Variants in TLN1 observed in about 807,000 individuals in gnomAD.
TLN1 encodes the protein talin-1.
In TLN1, 56 loss-of-function variants were observed where a neutral mutation model predicts 292.3. That is an observed-to-expected ratio of 0.19 (90% CI 0.15 to 0.24). TLN1 has a LOEUF of 0.24. Ranked by LOEUF, TLN1 falls within the 10% of genes least tolerant of loss-of-function variation. TLN1 has a pLI of 1.00. For synonymous variants in TLN1, 1,119 were observed against 1,253.7 expected, an observed-to-expected ratio of 0.89 and a Z score of 2.27; for missense variants, 2,433 against 3,248.2, an observed-to-expected ratio of 0.75 and a Z score of 6.10.
chr9:35,698,773 C>A lies in TLN1; in HGVS notation c.7125+35G>T, dbSNP rs184417009. 1.1e-4 allele frequency: 175 copies of A among 1,613,756 alleles called. No individual in the cohort carries two copies. The highest frequency in any genetic ancestry group is 8.3e-4 in the Middle Eastern group (5 of 6,060). On this transcript the variant is annotated intron_variant, in intron 53 of 56. Coordinates refer to ENST00000314888, the MANE Select transcript of TLN1 (RefSeq NM_006289.4). This position sits in a 1 kb window ranked among gnomAD's most constrained non-coding sequence, Gnocchi z 5.3. ...GTGGATGTGGACATCAAAGTGCCAACCTGTCCCCATTCTTCTGGGTATTTA... is the reference window on the plus strand; with the variant it reads ...GTGGATGTGGACATCAAAGTGCCAAACTGTCCCCATTCTTCTGGGTATTTA...
At chr9:35,718,086 G>A (rs903142976) in intron 17 of TLN1, among the ~76,000 whole-genome samples, 2 of 152,228 alleles carry the variant, frequency 1.3e-5, no homozygotes, top group African/African-American at 4.8e-5. Flanking sequence ...GGGGTGGGGA[G>A]AGGAGGTAGG....
At chr9:35,703,066 C>A (rs1825494328) in intron 48 of TLN1, among the ~76,000 whole-genome samples, 1 of 151,954 alleles carries the variant, frequency 6.6e-6, no homozygotes, top group Non-Finnish European at 1.5e-5. Context: ...TTTGGGAGGC[C>A]AAGGCGGGTG....
At position 35,720,150 on chromosome 9, in the gene TLN1, G is replaced by C; in HGVS notation, c.1353C>G (p.Ala451=). 1.8e-5 allele frequency: 29 copies of C among 1,612,322 alleles called. No homozygotes were observed. The highest frequency in any genetic ancestry group is 2.5e-5 in the Non-Finnish European group (29 of 1,179,272). ...GACCAGAGGCTCCAGAGCGCATGAT[G>C]GCAGGCAGGGCCACAGAGCCATGCT... ...KVEHGSVALP[A]IMRSGASGPE... Residue 451 remains alanine, a synonymous_variant, in exon 13 of 57, where the codon GCC becomes GCG. Transcript: ENST00000314888.
chr9:35,699,490 A>C lies in TLN1; in HGVS notation c.6769-29T>G, dbSNP rs1244762260. The C allele has an allele frequency of 6.2e-7, 1 of 1,600,456 alleles. No homozygotes were observed. Among genetic ancestry groups the C allele is most frequent in the African/African-American group, 1.3e-5 (1 of 74,732 alleles). ...GGCAAGAAGCGGGCAGGGGACAAAG[A>C]GCATCACATCTTAGGGTCTACCCTG... On this transcript the variant is annotated intron_variant, in intron 50 of 56. Transcript: ENST00000314888. The surrounding 1 kb of genome is among the most constrained non-coding windows in gnomAD (Gnocchi z 4.0).
chr9:35,712,992 G>T lies in TLN1; in HGVS notation c.3404C>A (p.Ala1135Asp). The part of the protein sequence containing the change: ...AGGLRSLAQA[A>D]RGVAALTSDP... The stretch of plus-strand genomic sequence containing the variant: ...TGACGTCAGTGCAGCGACTCCCCTA[G>T]CGGCCTGGGCCAGTGACCGCAGCCC... The change falls in exon 27 of 57, where the codon GCT becomes GAT. Residue 1135 changes from alanine to aspartate, a missense_variant. Physicochemically the swap from Ala to Asp is moderately radical, Grantham distance 126. Around this residue, in one of 7 missense-constraint regions of TLN1, gnomAD observed 1,384 missense variants for 1,699.6 expected, o/e 0.81. Transcript: ENST00000314888. The T allele has an allele frequency of 6.2e-7, 1 of 1,609,758 alleles. No individual in the cohort carries two copies. The highest frequency in any genetic ancestry group is 2.2e-5 in the East Asian group (1 of 44,716).
chr9:35,712,676 A>G (rs1377702567), intron 27 of TLN1, among the ~76,000 whole-genome samples, 159 bp downstream of exon 27: 1 of 148,138 alleles, frequency 6.8e-6, no homozygotes, highest in African/African-American at 2.5e-5. Context: ...AAAGACTAAG[A>G]GAACATAAGG....
chr9:35,707,560 TC>T lies in TLN1; in HGVS notation c.4633-73del. On this transcript the variant is annotated intron_variant, in intron 35 of 56. Transcript: ENST00000314888. The surrounding 1 kb of genome is among the most constrained non-coding windows in gnomAD (Gnocchi z 5.6). The stretch of plus-strand genomic sequence containing the variant: ...GGGTATAGGAAGTGAAGTCCAGGTC[TC>T]CTTCCTGGGACTTACAGGATTTGGG... 11 of 1,585,454 alleles carry T rather than the reference TC, an allele frequency of 6.9e-6. No individual in the cohort carries two copies. The highest frequency in any genetic ancestry group is 9.5e-6 in the Non-Finnish European group (11 of 1,161,148).
rs2131891258 is a variant in TLN1 at position 35,710,422 on chromosome 9, A to G, written c.4326+139T>C. ...AATTGCTGACAAGTGTCTCCACTTC[A>G]GGAGGAGGACAACCCAGATTCCATA... is the stretch of plus-strand genomic sequence containing the variant. On this transcript the variant is annotated intron_variant, in intron 33 of 56. Coordinates refer to ENST00000314888, the MANE Select transcript of TLN1 (RefSeq NM_006289.4). 1.6e-6 allele frequency: 2 copies of G among 1,223,686 alleles called. 1 individual carries two copies. The highest frequency in any genetic ancestry group is 4.7e-5 in the East Asian group (2 of 42,330). The allele number at this position is 1,223,686 out of a possible 1,614,324, so 75.8% of individuals were successfully genotyped here. A position where few individuals can be genotyped will look rare whatever the true frequency, so the allele number is the denominator to read the frequency against.
At chr9:35,726,064 T>C (rs988333201) in intron 1 of TLN1, among the ~76,000 whole-genome samples, 3 of 152,058 alleles carry the variant, frequency 2.0e-5, no homozygotes, top group African/African-American at 7.2e-5. Flanking sequence ...AGGCGCCCGC[T>C]GCCATGCCTG....
intron 33 of TLN1, among the ~76,000 whole-genome samples, chr9:35,710,307 G>A (rs1347622427): frequency 6.6e-6 from 1 of 151,702 alleles, no homozygotes; most frequent in East Asian, 1.9e-4. Flanking sequence ...GAGAAAGCCA[G>A]CTGGAAAAGG....
rs746256916 is a variant in TLN1, at chr9:35,700,363, G to A, written c.6488C>T (p.Pro2163Leu). 2.5e-6 allele frequency: 4 copies of A among 1,598,982 alleles called. No individual in the cohort carries two copies. In the African/African-American group the frequency reaches 4.0e-5, roughly 16 times the overall value. ...GGTAGAGGTCTTGGCAGGTGGCTCT[G>A]GGGAACAGAAAACCTGTGGGGGCAG... The part of the protein sequence containing the change: ...IRQELAVFCS[P>L]EPPAKTSTPE... The change falls in exon 49 of 57, where the codon CCA becomes CTA. Residue 2163 changes from proline to leucine, a missense_variant. Pro to Leu is a moderately conservative substitution (Grantham distance 98). Around this residue, in one of 7 missense-constraint regions of TLN1, gnomAD observed 1,384 missense variants for 1,699.6 expected, o/e 0.81. Transcript: ENST00000314888.
chr9:35,725,472 A>G, intron 2 of TLN1, 93 bp downstream of exon 2: 1 of 1,563,304 alleles, frequency 6.4e-7, no homozygotes. Flanking sequence ...GAGTAGTCTT[A>G]GGGGACAAAG....
Position 35,717,533 on chromosome 9 carries a change from C to T in TLN1, c.2163+86G>A. Reference sequence around the variant, plus strand: ...TAACTGGGATGGGTGAGGAGGCCTCCAGAGCCAAAGAAATAAAATGAAAGG... The same window carrying T: ...TAACTGGGATGGGTGAGGAGGCCTCTAGAGCCAAAGAAATAAAATGAAAGG... On this transcript the variant is annotated intron_variant, in intron 18 of 56. Coordinates refer to ENST00000314888, the MANE Select transcript of TLN1 (RefSeq NM_006289.4). The surrounding 1 kb of genome is among the most constrained non-coding windows in gnomAD (Gnocchi z 4.7). 6.3e-7 allele frequency: 1 copy of T among 1,576,258 alleles called. No individual in the cohort carries two copies. Among genetic ancestry groups the T allele is most frequent in the Non-Finnish European group, 8.6e-7 (1 of 1,156,082 alleles).
chr9:35,701,078 T>C (rs1203821560), intron 48 of TLN1, among the ~76,000 whole-genome samples: 3 of 152,166 alleles, frequency 2.0e-5, no homozygotes, highest in South Asian at 2.1e-4. Context: ...GGAGGTGACA[T>C]TGAGGCTGAA....
chr9:35,722,104 G>A lies in TLN1; in HGVS notation c.948+15C>T. 6.2e-7 allele frequency: 1 copy of A among 1,609,698 alleles called. No individual in the cohort carries two copies. Among genetic ancestry groups the A allele is most frequent in the South Asian group, 1.1e-5 (1 of 91,002 alleles). On this transcript the variant is annotated intron_variant, in intron 9 of 56. Transcript: ENST00000314888. ...TGGGAAACAAGGAGGGCAGTGAAAAGGGCCCATAACCTACCTTCACCAGGA... is the reference window on the plus strand; with the variant it reads ...TGGGAAACAAGGAGGGCAGTGAAAAAGGCCCATAACCTACCTTCACCAGGA...
chr9:35,730,952 T>A (rs1326312288), intron 1 of TLN1, among the ~76,000 whole-genome samples: 1 of 152,108 alleles, frequency 6.6e-6, no homozygotes, highest in East Asian at 1.9e-4. Flanking sequence ...GCCTTGTACA[T>A]CCTGGGTCCC....
Position 35,697,684 on chromosome 9 carries a change from T to C in TLN1, c.*107A>G, listed in dbSNP as rs1025485559. The C allele has an allele frequency of 9.3e-6, 14 of 1,500,374 alleles. No homozygotes were observed. Among genetic ancestry groups the C allele is most frequent in the East Asian group, 6.8e-5 (3 of 44,124 alleles). The allele number at this position is 1,500,374 out of a possible 1,614,324, so 92.9% of individuals were successfully genotyped here. ...CAGGCCCTGGGGTTTGGCAGGCACT[T>C]TGGGGAGTGCTGGGGTTGGGCAGGT... On this transcript the variant is annotated 3_prime_UTR_variant, in exon 57 of 57. Transcript: ENST00000314888.
chr9:35,723,104 TTC>T (rs1825905624), intron 7 of TLN1, 183 bp from the exon 8 acceptor site: 15 of 500,922 alleles, frequency 3.0e-5, no homozygotes, highest in East Asian at 1.4e-4. Flanking sequence ...GTGTAAACTC[TTC>T]TTTTTTTTTT....
At chr9:35,722,961 A>G (rs1357977899) in intron 7 of TLN1, 40 bp from the exon 8 acceptor site, 4 of 1,591,938 alleles carry the variant, frequency 2.5e-6, no homozygotes, top group Middle Eastern at 3.3e-4. Context: ...GGTAGACAGC[A>G]TCAGGGGACA....
Sources: gnomAD v4.1 joint callset for allele counts (sites outside exome capture counted in the v4.1 genomes callset) on GRCh38, gnomAD v4.1.1 for gene constraint, gnomAD v4.1.1 regional missense constraint, Gnocchi (gnomAD v3.1) non-coding constraint, MANE v1.5 for transcripts, NCBI Gene and HGNC (gene_info 2026-07-23, HGNC 2026-07-21) for gene names.